Variants in MBOAT2 observed in about 807,000 individuals in gnomAD.
The protein encoded by MBOAT2 is membrane-bound glycerophospholipid O-acyltransferase 2.
Under a neutral mutation model 63.4 loss-of-function variants are expected in MBOAT2, and 28 were observed. The observed-to-expected ratio is 0.44, with a 90% CI of 0.33 to 0.61. The LOEUF (loss-of-function observed/expected upper bound fraction) is 0.61. MBOAT2 is among the 20% of genes least tolerant of loss of function. MBOAT2 has a pLI of 0.03. For synonymous variants in MBOAT2, 211 were observed against 215.6 expected, an observed-to-expected ratio of 0.98 and a Z score of 0.19; for missense variants, 470 against 605.8, an observed-to-expected ratio of 0.78 and a Z score of 2.35.
chr2:8,871,791 G>A (rs1013467488), intron 8 of MBOAT2, among the ~76,000 whole-genome samples: 2 of 152,172 alleles, frequency 1.3e-5, no homozygotes, highest in Non-Finnish European at 2.9e-5. Flanking sequence ...AAAACCGACA[G>A]TAAAATGCTA....
intron 1 of MBOAT2, among the ~76,000 whole-genome samples, chr2:8,960,955 A>G (rs1210631543): frequency 6.6e-6 from 1 of 152,234 alleles, no homozygotes; most frequent in Middle Eastern, 3.2e-3. Context: ...CCGCGTGGCC[A>G]GGGATCATGG....
At chr2:8,996,662 T>C (rs892327131) in intron 1 of MBOAT2, among the ~76,000 whole-genome samples, 2 of 152,284 alleles carry the variant, frequency 1.3e-5, no homozygotes, top group Non-Finnish European at 2.9e-5. Flanking sequence ...AGCCACTATC[T>C]TGGGGTTCTG....
At chr2:8,992,006 G>C in intron 1 of MBOAT2, among the ~76,000 whole-genome samples, 1 of 152,110 alleles carries the variant, frequency 6.6e-6, no homozygotes, top group East Asian at 1.9e-4. Context: ...ATCTGAACTT[G>C]GAATTTATGT....
At chr2:8,941,883 C>T (rs116584241) in intron 3 of MBOAT2, among the ~76,000 whole-genome samples, 419 of 152,308 alleles carry the variant, frequency 2.8e-3, no homozygotes, top group Middle Eastern at 0.014. Context: ...AAGCATATTA[C>T]TTTTGCTTTG....
At chr2:8,955,386 G>A (rs1669143310) in intron 2 of MBOAT2, among the ~76,000 whole-genome samples, 1 of 152,222 alleles carries the variant, frequency 6.6e-6, no homozygotes, top group African/African-American at 2.4e-5. Flanking sequence ...GTGAGTCATA[G>A]AGAAGGTCTC....
At chr2:8,872,156 C>A in intron 8 of MBOAT2, among the ~76,000 whole-genome samples, 1 of 152,200 alleles carries the variant, frequency 6.6e-6, no homozygotes, top group East Asian at 1.9e-4. Context: ...CATGCCCCTG[C>A]TAACATCTGC....
chr2:8,873,470 T>C (rs1185551687), intron 7 of MBOAT2, among the ~76,000 whole-genome samples, 170 bp from the exon 8 acceptor site: 2 of 152,226 alleles, frequency 1.3e-5, no homozygotes, highest in South Asian at 2.1e-4. Context: ...CATGGTCTCA[T>C]GGTATGAACT....
At chr2:8,988,200 T>C (rs1671691231) in intron 1 of MBOAT2, among the ~76,000 whole-genome samples, 1 of 152,226 alleles carries the variant, frequency 6.6e-6, no homozygotes, top group African/African-American at 2.4e-5. Context: ...GGTTTGGGTC[T>C]TGGCCTAATA....
chr2:8,991,512 T>A (rs767313256), intron 1 of MBOAT2, among the ~76,000 whole-genome samples: 2 of 152,202 alleles, frequency 1.3e-5, no homozygotes, highest in African/African-American at 2.4e-5. Context: ...TACTAAACGG[T>A]GAAATATAAG....
intron 1 of MBOAT2, among the ~76,000 whole-genome samples, chr2:8,975,528 C>T (rs1191133888): frequency 6.6e-6 from 1 of 152,076 alleles, no homozygotes; most frequent in African/African-American, 2.4e-5. Context: ...AGAATCATGC[C>T]TCAAGAGTTT....
Position 8,853,100 on chromosome 2 carries a change from GACA to G in MBOAT2, c.*5576_*5578del, listed in dbSNP as rs1413505538. ...TCAACTACTACTAGGCAGAGATCAA[GACA>G]ACGTTTAAAGGAAGGCAGGAATGAA... On this transcript the variant is annotated 3_prime_UTR_variant, in exon 13 of 13. Transcript: ENST00000305997. 2 of 152,140 alleles carry G rather than the reference GACA, an allele frequency of 1.3e-5. No individual in the cohort carries two copies. Among genetic ancestry groups the G allele is most frequent in the African/African-American group, 2.4e-5 (1 of 41,420 alleles). 9.4% of individuals were successfully genotyped at this position (152,140 alleles called of 1,614,324 possible).
At chr2:8,929,030 G>A (rs904409555) in intron 3 of MBOAT2, among the ~76,000 whole-genome samples, 1 of 152,134 alleles carries the variant, frequency 6.6e-6, no homozygotes, top group African/African-American at 2.4e-5. Context: ...CAAACTGAAA[G>A]AGCGGTAAAT....
rs1661020783 is a variant in MBOAT2, at chr2:8,855,456, T to G, written c.*3223A>C. The stretch of plus-strand genomic sequence containing the variant: ...TAGAAACCTCCTTTTTACTGCACAT[T>G]TTTCTCAAAAGTGGTATGTTTGGAA... On this transcript the variant is annotated 3_prime_UTR_variant, in exon 13 of 13. Coordinates refer to ENST00000305997, the MANE Select transcript of MBOAT2 (RefSeq NM_138799.4). The G allele has an allele frequency of 6.6e-6, 1 of 152,340 alleles. No individual in the cohort carries two copies. Among genetic ancestry groups the G allele is most frequent in the Admixed American group, 6.5e-5 (1 of 15,308 alleles). 9.4% of individuals were successfully genotyped at this position (152,340 alleles called of 1,614,324 possible). A position where few individuals can be genotyped will look rare whatever the true frequency, so the allele number is the denominator to read the frequency against.
chr2:8,958,680 G>T, intron 1 of MBOAT2, 38 bp from the exon 2 acceptor site: 1 of 1,474,574 alleles, frequency 6.8e-7, no homozygotes, highest in South Asian at 1.5e-5. Flanking sequence ...TAGCAACACA[G>T]ACCTGAATTT....
chr2:8,962,892 A>G (rs1323960493), intron 1 of MBOAT2, among the ~76,000 whole-genome samples: 1 of 152,166 alleles, frequency 6.6e-6, no homozygotes, highest in African/African-American at 2.4e-5. Context: ...ACAAAGAGTT[A>G]GTATTCAAAA....
intron 2 of MBOAT2, 32 bp from the exon 3 acceptor site, chr2:8,943,296 G>A (rs909560998): frequency 7.5e-7 from 1 of 1,332,642 alleles, no homozygotes; most frequent in Non-Finnish European, 1.0e-6. Flanking sequence ...TTAGAAGAGG[G>A]ATGCCAAGTC....
chr2:8,901,750 C>A (rs1664943122), intron 4 of MBOAT2, among the ~76,000 whole-genome samples: 1 of 152,174 alleles, frequency 6.6e-6, no homozygotes, highest in Admixed American at 6.5e-5. Flanking sequence ...TTATGTCTTT[C>A]TGATTGGTGA....
Position 8,862,585 on chromosome 2 carries a change from CT to C in MBOAT2, c.1185+4del. The C allele has an allele frequency of 6.2e-7, 1 of 1,604,720 alleles. No homozygotes were observed. Among genetic ancestry groups the C allele is most frequent in the Non-Finnish European group, 8.5e-7 (1 of 1,177,322 alleles). On this transcript the variant is annotated splice_donor_region_variant and intron_variant, in intron 11 of 12. Coordinates refer to ENST00000305997, the MANE Select transcript of MBOAT2 (RefSeq NM_138799.4). This position sits in a 1 kb window ranked among gnomAD's most constrained non-coding sequence, Gnocchi z 4.3. The stretch of plus-strand genomic sequence containing the variant: ...GAATTGTAAAATAAAATTCTTGATA[CT>C]TACAGCTCTTGCTGCTAATGTCATT...
chr2:8,995,790 A>G (rs1672250203), intron 1 of MBOAT2, among the ~76,000 whole-genome samples: 3 of 152,036 alleles, frequency 2.0e-5, no homozygotes, highest in African/African-American at 7.2e-5. Flanking sequence ...ACGGGGTTTC[A>G]CCGTGTTAGC....
Sources: gnomAD v4.1 joint callset for allele counts (sites outside exome capture counted in the v4.1 genomes callset) on GRCh38, gnomAD v4.1.1 for gene constraint, Gnocchi (gnomAD v3.1) non-coding constraint, MANE v1.5 for transcripts, NCBI Gene and HGNC (gene_info 2026-07-23, HGNC 2026-07-21) for gene names.